Variants in ADAMTS19 observed in about 807,000 individuals in gnomAD.
ADAMTS19 encodes A disintegrin and metalloproteinase with thrombospondin motifs 19.
Under a neutral mutation model 153.3 loss-of-function variants are expected in ADAMTS19, and 93 were observed. That is an observed-to-expected ratio of 0.61 (90% CI 0.51 to 0.72). The LOEUF is 0.72. ADAMTS19 is among the 30% of genes least tolerant of loss of function. ADAMTS19 has a pLI of 0.00. For synonymous variants in ADAMTS19, 600 were observed against 556.6 expected, an observed-to-expected ratio of 1.08 and a Z score of -1.10; for missense variants, 1,482 against 1,552.1, an observed-to-expected ratio of 0.95 and a Z score of 0.76.
intron 10 of ADAMTS19, among the ~76,000 whole-genome samples, chr5:129,632,135 A>G (rs1752325432): frequency 6.6e-6 from 1 of 152,090 alleles, no homozygotes; most frequent in African/African-American, 2.4e-5. Context: ...CAAATCAGCC[A>G]TAGATAATAT....
chr5:129,527,686 T>C, intron 4 of ADAMTS19, 62 bp from the exon 5 acceptor site: 1 of 910,958 alleles, frequency 1.1e-6, no homozygotes, highest in Non-Finnish European at 1.7e-6. Context: ...TGTATGGGCC[T>C]TGAGAAAAAT....
chr5:129,577,005 G>A (rs1749160277), intron 7 of ADAMTS19, among the ~76,000 whole-genome samples: 1 of 152,016 alleles, frequency 6.6e-6, no homozygotes, highest in Non-Finnish European at 1.5e-5. Context: ...CGTGGGCTCA[G>A]GAATAACTCA....
At chr5:129,578,962 T>C (rs1318734454) in intron 7 of ADAMTS19, among the ~76,000 whole-genome samples, 1 of 152,152 alleles carries the variant, frequency 6.6e-6, no homozygotes, top group Admixed American at 6.6e-5. Context: ...TACCCAGTAA[T>C]GGGATTGCTG....
chr5:129,479,999 A>G (rs1411433319), intron 2 of ADAMTS19, among the ~76,000 whole-genome samples: 1 of 152,192 alleles, frequency 6.6e-6, no homozygotes, highest in African/African-American at 2.4e-5. Flanking sequence ...TAGAAAAGCC[A>G]AAACAATTCC....
chr5:129,567,024 G>A (rs1181815272), intron 7 of ADAMTS19, among the ~76,000 whole-genome samples: 1 of 152,052 alleles, frequency 6.6e-6, no homozygotes, highest in African/African-American at 2.4e-5. Context: ...GCATGGAGAG[G>A]GAAGGGCTTA....
intron 2 of ADAMTS19, among the ~76,000 whole-genome samples, chr5:129,492,983 C>G (rs1243751618): frequency 6.6e-6 from 1 of 152,162 alleles, no homozygotes; most frequent in African/African-American, 2.4e-5. Flanking sequence ...CTACTCCAAA[C>G]TCATAATCAG....
At chr5:129,600,649 C>T (rs933057424) in intron 8 of ADAMTS19, among the ~76,000 whole-genome samples, 7 of 151,748 alleles carry the variant, frequency 4.6e-5, no homozygotes, top group Non-Finnish European at 1.0e-4. Context: ...TAAAGAGAAC[C>T]AACAATTTTT....
intron 8 of ADAMTS19, among the ~76,000 whole-genome samples, chr5:129,612,005 G>T (rs1323934205): frequency 2.0e-5 from 3 of 151,496 alleles, no homozygotes; most frequent in Non-Finnish European, 2.9e-5. Context: ...TTAAGTTTTA[G>T]GGTACATGTG....
At chr5:129,623,951 T>C (rs928346401) in intron 10 of ADAMTS19, among the ~76,000 whole-genome samples, 1 of 148,838 alleles carries the variant, frequency 6.7e-6, no homozygotes, top group African/African-American at 2.5e-5. Flanking sequence ...AAACCCCATC[T>C]CTCCTAAAAA....
intron 11 of ADAMTS19, among the ~76,000 whole-genome samples, chr5:129,644,211 T>C (rs956803906): frequency 2.6e-5 from 4 of 152,236 alleles, no homozygotes; most frequent in Admixed American, 2.6e-4. Context: ...TAATGCTTTG[T>C]ATATTGAAAT....
At position 129,479,832 on chromosome 5, in the gene ADAMTS19, G is replaced by T. The variant is rs150503428; in HGVS notation, c.747+18075G>T. Among the ~76,000 whole-genome samples, 516 of 152,072 alleles carry T rather than the reference G, an allele frequency of 3.4e-3. 5 individuals carry two copies. The highest frequency in any genetic ancestry group is 0.026 in the East Asian group (134 of 5,184). On this transcript the variant is annotated intron_variant, in intron 2 of 22. Coordinates refer to ENST00000274487, the MANE Select transcript of ADAMTS19 (RefSeq NM_133638.6). ...AGATTAAGGAATATCTACATAAATG[G>T]AGATACATACAAAGCTCATGAATTA...
At chr5:129,614,765 A>T (rs1427490233) in intron 8 of ADAMTS19, among the ~76,000 whole-genome samples, 1 of 152,176 alleles carries the variant, frequency 6.6e-6, no homozygotes, top group Non-Finnish European at 1.5e-5. Flanking sequence ...TGCAGACGAC[A>T]TGATTGTATA....
intron 7 of ADAMTS19, among the ~76,000 whole-genome samples, chr5:129,570,636 AG>A (rs35868669): frequency 0.76 from 114,145 of 150,784 alleles, 44,889 homozygotes; most frequent in Non-Finnish European, 0.88. Context: ...AAAAATTAAA[AG>A]AAAAAACGTA....
intron 8 of ADAMTS19, among the ~76,000 whole-genome samples, chr5:129,613,148 G>C (rs1169320600): frequency 1.3e-5 from 2 of 152,044 alleles, no homozygotes; most frequent in Non-Finnish European, 2.9e-5. Flanking sequence ...AGTTAACAAG[G>C]ATATCCAGGA....
intron 7 of ADAMTS19, among the ~76,000 whole-genome samples, chr5:129,593,537 C>A (rs1750243306): frequency 6.6e-6 from 1 of 152,008 alleles, no homozygotes; most frequent in Admixed American, 6.6e-5. Flanking sequence ...TGATTCCATT[C>A]TCTTTACTAC....
At chr5:129,626,631 T>C (rs777548631) in intron 10 of ADAMTS19, among the ~76,000 whole-genome samples, 3 of 152,096 alleles carry the variant, frequency 2.0e-5, no homozygotes, top group Non-Finnish European at 4.4e-5. Context: ...TAATAGACGA[T>C]AGATAGGTAG....
chr5:129,625,746 CTT>C (rs1752006499), intron 10 of ADAMTS19, among the ~76,000 whole-genome samples: 1 of 151,968 alleles, frequency 6.6e-6, no homozygotes, highest in African/African-American at 2.4e-5. Context: ...GATATTATAC[CTT>C]TGTCAGATGG....
chr5:129,558,073 C>CAAACTAGGGA (rs34425570), intron 7 of ADAMTS19, among the ~76,000 whole-genome samples: 5 of 151,586 alleles, frequency 3.3e-5, no homozygotes, highest in Non-Finnish European at 7.4e-5. Flanking sequence ...AAACTCTTGG[C>CAAACTAGGGA]AAAGTAGGAA....
intron 7 of ADAMTS19, among the ~76,000 whole-genome samples, chr5:129,577,077 C>A (rs1477255934): frequency 6.6e-6 from 1 of 152,106 alleles, no homozygotes; most frequent in Non-Finnish European, 1.5e-5. Context: ...CCATCCTATA[C>A]TGACATGGAA....
Sources: gnomAD v4.1 joint callset for allele counts (sites outside exome capture counted in the v4.1 genomes callset) on GRCh38, gnomAD v4.1.1 for gene constraint, MANE v1.5 for transcripts, NCBI Gene and HGNC (gene_info 2026-07-23, HGNC 2026-07-21) for gene names.